FAAH2: variants seen among roughly 807,000 people sequenced by gnomAD.
FAAH2 encodes fatty-acid amide hydrolase 2.
A neutral mutation model predicts 36.9 loss-of-function variants in FAAH2; 60 were observed. That is an observed-to-expected ratio of 1.63 (90% CI 1.32 to 2.02). The LOEUF (loss-of-function observed/expected upper bound fraction) is 2.02. Ranked by LOEUF, FAAH2 falls within the 30% of genes most tolerant of loss-of-function variation. The pLI is 0.00. For missense variants in FAAH2, 689 were observed against 397.5 expected (o/e 1.73, Z -6.23); for synonymous variants, 214 against 143.8 (o/e 1.49, Z -3.49).
the FAAH2 span, among the ~76,000 whole-genome samples, chrX:57,267,788 C>T: frequency 8.9e-6 from 1 of 112,092 alleles, no homozygotes; most frequent in Middle Eastern, 4.6e-3. Context: ...TTGGCTGAAT[C>T]CACCTTATAT....
At chrX:57,142,607 G>A in the FAAH2 span, among the ~76,000 whole-genome samples, 2 of 111,900 alleles carry the variant, frequency 1.8e-5, 1 homozygote, top group African/African-American at 6.5e-5. Flanking sequence ...TTTTGTAAGT[G>A]TGTAAGAGGT....
chrX:57,210,278 C>G, the FAAH2 span, among the ~76,000 whole-genome samples: 2 of 111,192 alleles, frequency 1.8e-5, no homozygotes, highest in Non-Finnish European at 3.8e-5. Flanking sequence ...TATTTTGGAG[C>G]CAGAATTTTT....
In FAAH2 at chrX:57,488,796, C is replaced by T. The variant is rs147411394; in HGVS notation, c.1463C>T (p.Pro488Leu). The stretch of plus-strand genomic sequence containing the variant: ...CTGGGTTTGCCTGTGACCCAATGCC[C>T]ACTGGGACTGAATGCCAAAGGACTC... ...SALGLPVTQC[P>L]LGLNAKGLPL... The change falls in exon 11 of 11, where the codon CCA becomes CTA. Residue 488 changes from proline (P) to leucine (L), a missense_variant. Physicochemically the swap from Pro to Leu is moderately conservative, Grantham distance 98 (BLOSUM62 -3). Transcript: ENST00000374900. The T allele has an allele frequency of 8.3e-7, 1 of 1,211,018 alleles. No homozygotes were observed.
intron 10 of FAAH2, among the ~76,000 whole-genome samples, chrX:57,477,519 T>C (rs1167768659): frequency 1.8e-5 from 2 of 111,419 alleles, no homozygotes; most frequent in Non-Finnish European, 3.8e-5. Context: ...CTTTAAGTTC[T>C]AGGGTGCATG....
At chrX:57,125,308 T>C in the FAAH2 span, among the ~76,000 whole-genome samples, 1 of 112,719 alleles carries the variant, frequency 8.9e-6, no homozygotes, top group Non-Finnish European at 1.9e-5. Flanking sequence ...GGATTACGTG[T>C]ATTGATTTGC....
chrX:57,299,480 C>A (rs2052267027), intron 2 of FAAH2, among the ~76,000 whole-genome samples: 1 of 111,213 alleles, frequency 9.0e-6, no homozygotes, highest in East Asian at 2.8e-4. Flanking sequence ...CTATCTATGA[C>A]AAACCCACAG....
chrX:57,156,150 C>CA, the FAAH2 span, among the ~76,000 whole-genome samples: 4 of 111,955 alleles, frequency 3.6e-5, no homozygotes, highest in Non-Finnish European at 7.5e-5. Context: ...TCTGTTTGAT[C>CA]AACTCTGTTA....
the FAAH2 span, among the ~76,000 whole-genome samples, chrX:57,150,272 A>T: frequency 8.9e-6 from 1 of 112,139 alleles, no homozygotes; most frequent in African/African-American, 3.2e-5. Flanking sequence ...GGTGTCTATT[A>T]GGTGCACTTG....
chrX:57,374,692 C>T (rs954264959), intron 5 of FAAH2, among the ~76,000 whole-genome samples: 2 of 111,541 alleles, frequency 1.8e-5, no homozygotes, highest in Non-Finnish European at 3.8e-5. Flanking sequence ...GATTTGGATG[C>T]CCTTTATTTC....
At chrX:57,273,392 A>T in the FAAH2 span, among the ~76,000 whole-genome samples, 3 of 111,788 alleles carry the variant, frequency 2.7e-5, no homozygotes, top group Non-Finnish European at 5.6e-5. Context: ...ACTTGAACTC[A>T]GCTCTGGAGC....
the FAAH2 span, among the ~76,000 whole-genome samples, chrX:57,236,672 T>C: frequency 9.0e-6 from 1 of 111,615 alleles, no homozygotes; most frequent in South Asian, 3.8e-4. Context: ...TTTTCAGACC[T>C]TTTGTCCATT....
upstream of FAAH2, among the ~76,000 whole-genome samples, chrX:57,285,222 C>T (rs2051793071): frequency 8.9e-6 from 1 of 111,889 alleles, no homozygotes; most frequent in South Asian, 3.7e-4. Flanking sequence ...ATGACACTTT[C>T]AGTATCAACC....
chrX:57,341,863 C>A (rs184023938), intron 5 of FAAH2, among the ~76,000 whole-genome samples: 1 of 111,147 alleles, frequency 9.0e-6, no homozygotes, highest in African/African-American at 3.3e-5. Flanking sequence ...AAGAAAAATT[C>A]TGTCACCTAG....
At chrX:57,290,268 C>A in intron 1 of FAAH2, 2 of 745,520 alleles carry the variant, frequency 2.7e-6, no homozygotes, top group Non-Finnish European at 3.1e-6. Flanking sequence ...AGTTGAAGAT[C>A]TTTGGGGTTG....
At chrX:57,204,524 A>C in the FAAH2 span, among the ~76,000 whole-genome samples, 1 of 112,196 alleles carries the variant, frequency 8.9e-6, no homozygotes, top group South Asian at 3.7e-4. Context: ...GGCTCATGAT[A>C]AAGTTTCAGG....
the FAAH2 span, among the ~76,000 whole-genome samples, chrX:57,201,451 G>A: frequency 6.4e-5 from 7 of 110,031 alleles, no homozygotes; most frequent in Non-Finnish European, 1.3e-4. Flanking sequence ...AAAGAAGTCT[G>A]TCTGCTGCTA....
At chrX:57,313,994 A>G (rs929720816) in intron 3 of FAAH2, among the ~76,000 whole-genome samples, 2 of 111,829 alleles carry the variant, frequency 1.8e-5, no homozygotes, top group African/African-American at 6.5e-5. Flanking sequence ...TAAGAGGCCC[A>G]TCTCACATGT....
chrX:57,160,731 T>C, the FAAH2 span, among the ~76,000 whole-genome samples: 1 of 112,212 alleles, frequency 8.9e-6, no homozygotes, highest in African/African-American at 3.2e-5. Flanking sequence ...TCTTCTCTCC[T>C]TTAATAGTCT....
chrX:57,193,661 C>G, the FAAH2 span, among the ~76,000 whole-genome samples: 44 of 111,774 alleles, frequency 3.9e-4, no homozygotes, highest in South Asian at 5.6e-3. Context: ...TATTTCTCAA[C>G]CTGGACAACA....
Sources: gnomAD v4.1 joint callset for allele counts (sites outside exome capture counted in the v4.1 genomes callset) on GRCh38, gnomAD v4.1.1 for gene constraint, MANE v1.5 for transcripts, NCBI Gene and HGNC (gene_info 2026-07-23, HGNC 2026-07-21) for gene names.